Variants in PCDH15 observed in about 807,000 individuals in gnomAD.
PCDH15 encodes protocadherin related 15, also known as protocadherin-15.
Under a neutral mutation model 178.5 loss-of-function variants are expected in PCDH15, and 129 were observed. The observed-to-expected ratio is 0.72, with a 90% CI of 0.63 to 0.84. The LOEUF is 0.84. Among genes scored for constraint, PCDH15 ranks in the 40% least tolerant of loss-of-function variants. PCDH15 has a pLI of 0.00. For missense variants in PCDH15, 2,230 were observed against 2,099.9 expected, an observed-to-expected ratio of 1.06 and a Z score of -1.21; for synonymous variants, 800 against 732.0, an observed-to-expected ratio of 1.09 and a Z score of -1.50.
intron 2 of PCDH15, among the ~76,000 whole-genome samples, chr10:54,571,616 A>G (rs1302200428): frequency 6.6e-6 from 1 of 152,098 alleles, no homozygotes; most frequent in Non-Finnish European, 1.5e-5. Flanking sequence ...GAATGGAAAT[A>G]AAAAAATGAA....
chr10:54,500,312 G>A (rs1045482949), intron 3 of PCDH15, among the ~76,000 whole-genome samples: 1 of 151,242 alleles, frequency 6.6e-6, no homozygotes, highest in Admixed American at 6.6e-5. Context: ...GAGGGAGGAG[G>A]GCAAAGGTCA....
intron 1 of PCDH15, among the ~76,000 whole-genome samples, chr10:54,738,719 T>A (rs934547743): frequency 2.0e-5 from 3 of 152,076 alleles, no homozygotes; most frequent in Non-Finnish European, 2.9e-5. Flanking sequence ...ATTAAGTGAA[T>A]TCATCCCAGA....
At chr10:55,264,198 C>T (rs139749152) in intron 1 of PCDH15, among the ~76,000 whole-genome samples, 4 of 152,212 alleles carry the variant, frequency 2.6e-5, no homozygotes, top group East Asian at 1.9e-4. Flanking sequence ...CTTTTCAATC[C>T]GAAGCTCGAT....
intron 1 of PCDH15, among the ~76,000 whole-genome samples, chr10:54,745,764 C>G (rs1023824649): frequency 6.6e-6 from 1 of 152,064 alleles, no homozygotes; most frequent in Non-Finnish European, 1.5e-5. Flanking sequence ...TAATCTGCAG[C>G]GAAGGCCAGA....
intron 2 of PCDH15, among the ~76,000 whole-genome samples, chr10:55,561,888 G>T (rs1842208047): frequency 6.6e-6 from 1 of 151,818 alleles, no homozygotes; most frequent in African/African-American, 2.4e-5. Flanking sequence ...AATAGAGACT[G>T]CCCCAGTTTA....
chr10:54,957,352 G>A (rs1462348216), intron 2 of PCDH15, among the ~76,000 whole-genome samples: 5 of 151,524 alleles, frequency 3.3e-5, no homozygotes, highest in Admixed American at 3.3e-4. Flanking sequence ...ATAACATTCA[G>A]TTTATTTGAG....
At chr10:55,469,118 G>T (rs1839904279) in intron 2 of PCDH15, 1 of 152,106 alleles carries the variant, frequency 6.6e-6, no homozygotes, top group Non-Finnish European at 1.5e-5. Flanking sequence ...AAAAATATTA[G>T]GTGGAGCTAC....
intron 17 of PCDH15, among the ~76,000 whole-genome samples, chr10:54,072,023 C>A (rs569637599): frequency 3.6e-4 from 55 of 151,800 alleles, no homozygotes; most frequent in Admixed American, 1.3e-3. Context: ...AAATAAATTA[C>A]CTTATAACTT....
intron 22 of PCDH15, among the ~76,000 whole-genome samples, chr10:53,960,668 T>C (rs1285940144): frequency 6.6e-6 from 1 of 152,216 alleles, no homozygotes; most frequent in Non-Finnish European, 1.5e-5. Context: ...TGTAAACTAA[T>C]TCAACCTAGA....
chr10:55,164,966 T>C (rs1839159507), intron 2 of PCDH15, among the ~76,000 whole-genome samples: 1 of 152,134 alleles, frequency 6.6e-6, no homozygotes, highest in South Asian at 2.1e-4. Context: ...TACTGGTCTA[T>C]AATTATCTAT....
At chr10:53,993,734 G>C (rs1466346492) in intron 21 of PCDH15, among the ~76,000 whole-genome samples, 1 of 152,060 alleles carries the variant, frequency 6.6e-6, no homozygotes, top group African/African-American at 2.4e-5. Flanking sequence ...TCGTGTAGGT[G>C]CAACCAAATT....
At chr10:54,076,712 T>A (rs1341447348) in intron 17 of PCDH15, among the ~76,000 whole-genome samples, 1 of 152,058 alleles carries the variant, frequency 6.6e-6, no homozygotes, top group Non-Finnish European at 1.5e-5. Flanking sequence ...GACAGTCAAA[T>A]CAAACTTCCT....
At chr10:54,421,157 G>T (rs74478985) in intron 3 of PCDH15, among the ~76,000 whole-genome samples, 1 of 151,762 alleles carries the variant, frequency 6.6e-6, no homozygotes, top group Non-Finnish European at 1.5e-5. Context: ...GAAGTTTTAC[G>T]TTTCAATATT....
chr10:54,495,776 T>C (rs1298695400), intron 3 of PCDH15, among the ~76,000 whole-genome samples: 1 of 152,208 alleles, frequency 6.6e-6, no homozygotes, highest in Non-Finnish European at 1.5e-5. Flanking sequence ...TTTAGTTTTC[T>C]ACTCTTTGAG....
intron 15 of PCDH15, among the ~76,000 whole-genome samples, chr10:54,106,412 A>G (rs1013412730): frequency 1.3e-5 from 2 of 152,200 alleles, no homozygotes; most frequent in Non-Finnish European, 2.9e-5. Context: ...CTTGTGGCTT[A>G]CAGACAGGGA....
intron 2 of PCDH15, among the ~76,000 whole-genome samples, chr10:55,045,665 C>T (rs1391639886): frequency 6.6e-6 from 1 of 151,968 alleles, no homozygotes; most frequent in Admixed American, 6.6e-5. Context: ...TTCTTTAATT[C>T]TTTAAGAGAA....
intron 20 of PCDH15, among the ~76,000 whole-genome samples, chr10:54,011,486 A>G (rs2092584339): frequency 6.6e-6 from 1 of 152,174 alleles, no homozygotes; most frequent in Non-Finnish European, 1.5e-5. Context: ...CTTGCCCCAG[A>G]GCTACAATGT....
chr10:54,681,387 GA>G (rs769481881), intron 1 of PCDH15, among the ~76,000 whole-genome samples: 1 of 152,140 alleles, frequency 6.6e-6, no homozygotes, highest in Non-Finnish European at 1.5e-5. Flanking sequence ...GATGTACAAA[GA>G]GAGAAAAAAT....
In PCDH15 at chr10:55,179,140, GC is replaced by G. The variant is rs1839572600; in HGVS notation, c.-155-12490del. On this transcript the variant is annotated intron_variant, in intron 1 of 5. Transcript: ENST00000458638. Reference sequence around the variant, plus strand: ...AACTCCAAATGATCATGTAAATGGAGCCTCAGATGATGGCTCCCTTTTTACT... The same window carrying G: ...AACTCCAAATGATCATGTAAATGGAGCTCAGATGATGGCTCCCTTTTTACT... Among the ~76,000 whole-genome samples, 12 of 152,196 alleles carry G rather than the reference GC, an allele frequency of 7.9e-5. No individual in the cohort carries two copies. The South Asian group carries it at 2.5e-3, about 32-fold the overall frequency.
Sources: allele counts gnomAD v4.1 joint callset (sites outside exome capture counted in the v4.1 genomes callset), GRCh38; gene constraint gnomAD v4.1.1; transcripts MANE v1.5; gene names NCBI Gene and HGNC (gene_info 2026-07-23, HGNC 2026-07-21).